Variants in TUSC3 observed in about 807,000 individuals in gnomAD.
TUSC3 encodes the protein dolichyl-diphosphooligosaccharide--protein glycosyltransferase subunit TUSC3.
Under a neutral mutation model 44.8 loss-of-function variants are expected in TUSC3, and 45 were observed. The ratio of observed to expected loss-of-function variants is 1.00; its 90% CI spans 0.79 to 1.29. TUSC3 has a LOEUF of 1.29. TUSC3 is among the 50% of genes most tolerant of loss of function. The probability of loss-of-function intolerance (pLI) is 0.00; values close to 1 mark genes in which losing one functional copy is unlikely to be tolerated. For synonymous variants in TUSC3, 212 were observed against 152.9 expected, an observed-to-expected ratio of 1.39 and a Z score of -2.85; for missense variants, 519 against 437.9, an observed-to-expected ratio of 1.19 and a Z score of -1.65.
chr8:15,656,195 A>C (rs1807157781), intron 3 of TUSC3, among the ~76,000 whole-genome samples: 1 of 152,098 alleles, frequency 6.6e-6, no homozygotes, highest in Non-Finnish European at 1.5e-5. Flanking sequence ...TCACACTCAG[A>C]ATACATTCAT....
At chr8:15,692,357 ACC>A (rs57593991) in intron 6 of TUSC3, among the ~76,000 whole-genome samples, 21,358 of 87,786 alleles carry the variant, frequency 0.24, 2,647 homozygotes, top group Middle Eastern at 0.3. Flanking sequence ...TTGGGAGGAG[ACC>A]CCCCCCCCCC....
chr8:15,724,955 G>A (rs1209681329), intron 6 of TUSC3, among the ~76,000 whole-genome samples: 3 of 152,084 alleles, frequency 2.0e-5, no homozygotes, highest in African/African-American at 7.2e-5. Flanking sequence ...AAGAAGAAGG[G>A]ACCAAAAAGA....
intron 1 of TUSC3, among the ~76,000 whole-genome samples, chr8:15,591,133 G>C (rs1563307488): frequency 6.6e-6 from 1 of 151,860 alleles, no homozygotes; most frequent in Non-Finnish European, 1.5e-5. Flanking sequence ...TCCTTTTTTT[G>C]GTTATTTCAG....
intron 6 of TUSC3, among the ~76,000 whole-genome samples, chr8:15,697,118 CT>C (rs1809203371): frequency 6.6e-6 from 1 of 152,098 alleles, no homozygotes; most frequent in African/African-American, 2.4e-5. Flanking sequence ...GTGGTGTCAG[CT>C]GTAATATGTC....
intron 1 of TUSC3, among the ~76,000 whole-genome samples, chr8:15,581,957 C>A (rs532160085): frequency 1.3e-5 from 2 of 150,356 alleles, no homozygotes; most frequent in African/African-American, 2.5e-5. Context: ...TAGCAGTCAG[C>A]GAGATTCCGT....
chr8:15,428,219 G>A (rs184856424), intron 1 of TUSC3, among the ~76,000 whole-genome samples: 17 of 148,822 alleles, frequency 1.1e-4, no homozygotes, highest in Non-Finnish European at 2.4e-4. Context: ...AACATGTGGT[G>A]TTTGGTTTTT....
chr8:15,542,226 A>G (rs976689558), intron 1 of TUSC3, among the ~76,000 whole-genome samples: 5 of 152,082 alleles, frequency 3.3e-5, no homozygotes, highest in African/African-American at 1.2e-4. Context: ...AAATTTTCTG[A>G]TTGGCAATTG....
At chr8:15,818,920 A>C in the TUSC3 span, among the ~76,000 whole-genome samples, 1 of 152,162 alleles carries the variant, frequency 6.6e-6, no homozygotes, top group African/African-American at 2.4e-5. Flanking sequence ...ACAAGTCAAT[A>C]TTGACAAATT....
downstream of TUSC3, among the ~76,000 whole-genome samples, chr8:15,767,356 C>A (rs1486471809): frequency 6.6e-6 from 1 of 151,542 alleles, no homozygotes; most frequent in African/African-American, 2.4e-5. Flanking sequence ...CTATCTATTT[C>A]CATTAAAAAT....
intron 1 of TUSC3, among the ~76,000 whole-genome samples, chr8:15,478,029 C>G (rs999425008): frequency 2.6e-5 from 4 of 152,118 alleles, no homozygotes; most frequent in Non-Finnish European, 5.9e-5. Flanking sequence ...ACGATCTTGG[C>G]TCACTGCAAA....
Position 15,483,074 on chromosome 8 carries a change from A to G in TUSC3, n.92-312A>G, listed in dbSNP as rs567578633. ...AGAACATCATAGAAAATATTCCTCT[A>G]TTCATACACATTGAACAGGAAAAGA... On this transcript the variant is annotated intron_variant and non_coding_transcript_variant, in intron 1 of 5. Transcript: ENST00000503191. Among the ~76,000 whole-genome samples, 37 of 152,314 alleles carry G rather than the reference A, an allele frequency of 2.4e-4. 1 individual carries two copies. The Middle Eastern group carries it at 0.02, about 84-fold the overall frequency.
At chr8:15,730,642 A>C in intron 6 of TUSC3, 24 bp from the exon 7 acceptor site, 1 of 1,611,188 alleles carries the variant, frequency 6.2e-7, no homozygotes, top group Non-Finnish European at 8.5e-7. Flanking sequence ...TCAGACTGTA[A>C]TTTCTGTTTG....
chr8:15,751,953 A>C (rs772305843), intron 9 of TUSC3, among the ~76,000 whole-genome samples: 34 of 152,166 alleles, frequency 2.2e-4, no homozygotes, highest in Non-Finnish European at 4.6e-4. Context: ...AGGATTTCAC[A>C]ATTGCCTCTC....
the TUSC3 span, among the ~76,000 whole-genome samples, chr8:15,827,513 T>C: frequency 6.6e-6 from 1 of 152,164 alleles, no homozygotes; most frequent in Non-Finnish European, 1.5e-5. Flanking sequence ...TGAAACCTTA[T>C]GGTTAGCTTA....
intron 1 of TUSC3, among the ~76,000 whole-genome samples, chr8:15,556,489 T>G (rs1399751842): frequency 6.6e-6 from 1 of 151,510 alleles, no homozygotes; most frequent in South Asian, 2.1e-4. Flanking sequence ...CTTATAGCAA[T>G]ACGATTTATA....
the TUSC3 span, among the ~76,000 whole-genome samples, chr8:15,801,774 C>G: frequency 5.3e-3 from 801 of 152,196 alleles, 2 homozygotes; most frequent in Non-Finnish European, 6.8e-3. Context: ...CTCCTGATAC[C>G]ATGGGATGAG....
At position 15,499,805 on chromosome 8, in the gene TUSC3, G is replaced by A. The variant is rs28670838; in HGVS notation, n.189+16322G>A. On this transcript the variant is annotated intron_variant and non_coding_transcript_variant, in intron 2 of 5. Coordinates refer to the TUSC3 transcript ENST00000503191. ...ATTAATGTTCTTTTTCCTCCCTGCAGCTTGTCAACTGTAGATTCTAAGACT... is the reference window on the plus strand; with the variant it reads ...ATTAATGTTCTTTTTCCTCCCTGCAACTTGTCAACTGTAGATTCTAAGACT... Among the ~76,000 whole-genome samples the A allele has an allele frequency of 7.0e-3, 1,061 of 152,182 alleles. 15 individuals carry two copies. The highest frequency in any genetic ancestry group is 0.024 in the African/African-American group (1,015 of 41,514).
intron 2 of TUSC3, among the ~76,000 whole-genome samples, chr8:15,514,447 T>C (rs538971617): frequency 1.3e-5 from 2 of 152,332 alleles, no homozygotes; most frequent in East Asian, 3.9e-4. Context: ...CTTTGGATGC[T>C]GTAATACTTT....
chr8:15,770,574 G>C (rs879179834), downstream of TUSC3, among the ~76,000 whole-genome samples: 1 of 152,034 alleles, frequency 6.6e-6, no homozygotes, highest in Admixed American at 6.6e-5. Flanking sequence ...ATGAAAAGGA[G>C]TCAAATATAA....
Sources: gnomAD v4.1 joint callset for allele counts (sites outside exome capture counted in the v4.1 genomes callset) on GRCh38, gnomAD v4.1.1 for gene constraint, MANE v1.5 for transcripts, NCBI Gene and HGNC (gene_info 2026-07-23, HGNC 2026-07-21) for gene names.